PCLO: variants seen among roughly 807,000 people sequenced by gnomAD.
PCLO encodes protein piccolo.
Under a neutral mutation model 427.5 loss-of-function variants are expected in PCLO, and 82 were observed. The ratio of observed to expected loss-of-function variants is 0.19; its 90% CI spans 0.16 to 0.23. The LOEUF is 0.23. Ranked by LOEUF, PCLO falls within the 10% of genes least tolerant of loss-of-function variation. The probability of loss-of-function intolerance (pLI) is 1.00; values close to 1 mark genes in which losing one functional copy is unlikely to be tolerated. For synonymous variants in PCLO, 2,357 were observed against 2,155.4 expected, an observed-to-expected ratio of 1.09 and a Z score of -2.59; for missense variants, 6,239 against 6,115.9, an observed-to-expected ratio of 1.02 and a Z score of -0.67.
intron 3 of PCLO, among the ~76,000 whole-genome samples, chr7:83,125,789 T>C (rs970182138): frequency 4.6e-5 from 7 of 152,048 alleles, no homozygotes; most frequent in Non-Finnish European, 8.8e-5. Context: ...CCAGAGACCT[T>C]TGTTCACATG....
At chr7:82,792,528 A>G (rs938649008) in intron 22 of PCLO, among the ~76,000 whole-genome samples, 1 of 151,888 alleles carries the variant, frequency 6.6e-6, no homozygotes, top group African/African-American at 2.4e-5. Flanking sequence ...GGGTTTTGTC[A>G]TGTTGCCTAG....
At chr7:83,077,418 CCTGA>C (rs1789984086) in intron 3 of PCLO, among the ~76,000 whole-genome samples, 1 of 152,052 alleles carries the variant, frequency 6.6e-6, no homozygotes, top group Admixed American at 6.6e-5. Context: ...CTGGTCTCGT[CCTGA>C]CTGCTTTCTG....
At chr7:82,832,458 T>A (rs1289495785) in intron 16 of PCLO, among the ~76,000 whole-genome samples, 1 of 152,090 alleles carries the variant, frequency 6.6e-6, no homozygotes, top group East Asian at 1.9e-4. Context: ...TTTCACCATG[T>A]TAGCCCGGAT....
At chr7:82,917,246 C>T (rs1020803275) in intron 6 of PCLO, among the ~76,000 whole-genome samples, 12 of 152,048 alleles carry the variant, frequency 7.9e-5, no homozygotes, top group South Asian at 6.2e-4. Context: ...CTTCTCATTC[C>T]GACTTTTGCC....
chr7:82,922,271 T>C (rs1473240054), intron 6 of PCLO, among the ~76,000 whole-genome samples: 1 of 151,824 alleles, frequency 6.6e-6, no homozygotes, highest in East Asian at 1.9e-4. Context: ...CGATCTACCA[T>C]AAAGACTCAT....
At chr7:83,084,860 C>T (rs773390704) in intron 3 of PCLO, among the ~76,000 whole-genome samples, 23 of 152,122 alleles carry the variant, frequency 1.5e-4, no homozygotes, top group Non-Finnish European at 2.9e-5. Context: ...CTTGGGTTGA[C>T]AACACAGAGA....
intron 22 of PCLO, among the ~76,000 whole-genome samples, chr7:82,769,002 A>G (rs1333030543): frequency 6.6e-6 from 1 of 152,134 alleles, no homozygotes; most frequent in Non-Finnish European, 1.5e-5. Context: ...TATTTCAAGT[A>G]ACTTGCCAAG....
At chr7:83,121,851 C>T (rs911398909) in intron 3 of PCLO, among the ~76,000 whole-genome samples, 1 of 136,168 alleles carries the variant, frequency 7.3e-6, no homozygotes, top group Non-Finnish European at 1.7e-5. Flanking sequence ...AAAGACACAA[C>T]AACAAAATAA....
At chr7:82,883,834 G>C (rs948179966) in intron 9 of PCLO, among the ~76,000 whole-genome samples, 76 of 152,038 alleles carry the variant, frequency 5.0e-4, no homozygotes, top group African/African-American at 1.8e-3. Context: ...GCAGTGGTGC[G>C]ATCTTGGCCC....
Position 82,953,129 on chromosome 7 carries a change from T to G in PCLO, c.7824A>C (p.Ser2608=). 4 of 1,613,862 alleles carry G rather than the reference T, an allele frequency of 2.5e-6. No individual in the cohort carries two copies. The highest frequency in any genetic ancestry group is 3.4e-6 in the Non-Finnish European group (4 of 1,179,854). ...CAACAGAAACCAGATCTTTGGAGGG[T>G]GATCCCAAGGGCCAACTGGTAATTG... ...SQAITSWPLG[S]PSKDLVSVEP... The change falls in exon 5 of 25, where the codon TCA becomes TCC. Residue 2608 remains serine (S), a synonymous_variant. Transcript: ENST00000333891.
At chr7:82,899,958 G>C (rs1794000729) in intron 9 of PCLO, among the ~76,000 whole-genome samples, 1 of 151,480 alleles carries the variant, frequency 6.6e-6, no homozygotes. Flanking sequence ...AATAATTTTG[G>C]CATTGTTAGA....
chr7:82,785,364 T>C (rs1790963436), intron 22 of PCLO, among the ~76,000 whole-genome samples: 1 of 152,180 alleles, frequency 6.6e-6, no homozygotes, highest in South Asian at 2.1e-4. Flanking sequence ...TGATGCTCGC[T>C]TGGCTGCCAC....
chr7:83,110,139 T>G (rs1052597250), intron 3 of PCLO, among the ~76,000 whole-genome samples: 3 of 151,516 alleles, frequency 2.0e-5, no homozygotes, highest in Admixed American at 1.3e-4. Context: ...GTTTTCTTTA[T>G]ATAATCATGT....
At chr7:82,886,199 T>C (rs1390438189) in intron 9 of PCLO, among the ~76,000 whole-genome samples, 2 of 152,188 alleles carry the variant, frequency 1.3e-5, no homozygotes, top group Admixed American at 6.5e-5. Flanking sequence ...CACAACTAAT[T>C]AGTTAGGAAA....
At chr7:82,858,395 A>G (rs373645695) in intron 10 of PCLO, among the ~76,000 whole-genome samples, 28 of 152,170 alleles carry the variant, frequency 1.8e-4, no homozygotes, top group African/African-American at 6.8e-4. Context: ...GTTTTTCTCT[A>G]AGATGTTGGT....
chr7:83,139,117 TA>T (rs1791801499), intron 2 of PCLO, among the ~76,000 whole-genome samples: 1 of 152,156 alleles, frequency 6.6e-6, no homozygotes, highest in South Asian at 2.1e-4. Flanking sequence ...AACTTTCTGA[TA>T]AACTTGATTA....
At chr7:82,939,061 C>T (rs991043079) in intron 6 of PCLO, among the ~76,000 whole-genome samples, 1 of 152,012 alleles carries the variant, frequency 6.6e-6, no homozygotes, top group African/African-American at 2.4e-5. Context: ...ATACTGTCTG[C>T]CCGCGAACCT....
intron 10 of PCLO, among the ~76,000 whole-genome samples, chr7:82,866,711 A>AT (rs1466838718): frequency 4.2e-4 from 63 of 151,358 alleles, no homozygotes; most frequent in African/African-American, 1.2e-3. Flanking sequence ...TTTAATATGA[A>AT]TTTCTTGAGG....
At chr7:82,874,854 G>A (rs987337024) in intron 10 of PCLO, among the ~76,000 whole-genome samples, 3 of 152,136 alleles carry the variant, frequency 2.0e-5, no homozygotes. Flanking sequence ...AGACCAAAAT[G>A]AGAGACAACA....
Sources: gnomAD v4.1 joint callset for allele counts (sites outside exome capture counted in the v4.1 genomes callset) on GRCh38, gnomAD v4.1.1 for gene constraint, MANE v1.5 for transcripts, NCBI Gene and HGNC (gene_info 2026-07-23, HGNC 2026-07-21) for gene names.